The following EPS15L1 variants were observed in gnomAD, a reference collection of about 807,000 sequenced individuals.
The protein encoded by EPS15L1 is epidermal growth factor receptor pathway substrate 15 like 1, also known as epidermal growth factor receptor substrate 15-like 1.
EPS15L1 carries 43 observed loss-of-function variants against 117.1 expected under a neutral mutation model. The observed-to-expected ratio is 0.37, with a 90% CI of 0.29 to 0.47. The LOEUF is 0.47. Ranked by LOEUF, EPS15L1 falls within the 20% of genes least tolerant of loss-of-function variation. The probability of loss-of-function intolerance (pLI) is 0.99; values close to 1 mark genes in which losing one functional copy is unlikely to be tolerated. For missense variants in EPS15L1, 981 were observed against 1,164.0 expected (o/e 0.84, Z 2.29); for synonymous variants, 459 against 470.5 (o/e 0.98, Z 0.32).
intron 22 of EPS15L1, among the ~76,000 whole-genome samples, chr19:16,375,305 T>C (rs577684430): frequency 6.6e-6 from 1 of 151,116 alleles, no homozygotes; most frequent in Admixed American, 6.6e-5. Context: ...CATGCATGCA[T>C]GTGTCTGCAG....
chr19:16,382,687 C>T (rs2092376256), intron 21 of EPS15L1, among the ~76,000 whole-genome samples: 1 of 151,350 alleles, frequency 6.6e-6, no homozygotes, highest in Admixed American at 6.6e-5. Flanking sequence ...TTCTCAAATG[C>T]TCCCTGGAAA....
Position 16,360,095 on chromosome 19 carries a change from C to T in EPS15L1, c.2586+1684G>A, listed in dbSNP as rs139731103. ...TTTTTTTTTATGCTTTTCGAAAAAA[C>T]GAGCCCTTTGCGGGTTGGGGTCACA... On this transcript the variant is annotated intron_variant, in intron 23 of 23. Transcript: ENST00000455140. Among the ~76,000 whole-genome samples, 6 of 147,924 alleles carry T rather than the reference C, an allele frequency of 4.1e-5. No homozygotes were observed. The South Asian group carries it at 6.4e-4, about 16-fold the overall frequency.
rs1312154111 is a variant in EPS15L1 at position 16,371,085 on chromosome 19, T to C, written c.2380+6037A>G. 6.6e-6 allele frequency among the ~76,000 whole-genome samples: 1 copy of C among 152,256 alleles called. No homozygotes were observed. The highest frequency in any genetic ancestry group is 1.5e-5 in the Non-Finnish European group (1 of 68,044). On this transcript the variant is annotated intron_variant, in intron 22 of 23. Transcript: ENST00000455140. This position sits in a 1 kb window ranked among gnomAD's most constrained non-coding sequence, Gnocchi z 4.7. The stretch of plus-strand genomic sequence containing the variant: ...GTAGTTAAGTTCAAGGCTGAGGTGC[T>C]AACCGCAGGGTTCAAATGGAGATGC...
At chr19:16,452,621 A>G (rs1410939749) in intron 1 of EPS15L1, among the ~76,000 whole-genome samples, 1 of 146,826 alleles carries the variant, frequency 6.8e-6, no homozygotes, top group Non-Finnish European at 1.5e-5. Context: ...ACAACATAGC[A>G]AAATGTCATC....
chr19:16,454,478 C>T (rs1375961523), intron 1 of EPS15L1, among the ~76,000 whole-genome samples: 1 of 152,184 alleles, frequency 6.6e-6, no homozygotes, highest in African/African-American at 2.4e-5. Context: ...TCAGCATGAG[C>T]TGCTTTTGTA....
chr19:16,460,518 G>A (rs962465461), intron 1 of EPS15L1, among the ~76,000 whole-genome samples: 1 of 152,112 alleles, frequency 6.6e-6, no homozygotes, highest in Non-Finnish European at 1.5e-5. Context: ...CCAACTCAGA[G>A]GCTGGCCTAA....
At chr19:16,361,609 T>A in intron 23 of EPS15L1, 170 bp downstream of exon 23, 2 of 1,330,708 alleles carry the variant, frequency 1.5e-6, no homozygotes, top group Non-Finnish European at 1.9e-6. Flanking sequence ...TGAGAAACTG[T>A]TTTTCTTACA....
At chr19:16,440,107 A>G (rs1204802675) in intron 4 of EPS15L1, among the ~76,000 whole-genome samples, 1 of 150,664 alleles carries the variant, frequency 6.6e-6, no homozygotes, top group Non-Finnish European at 1.5e-5. Flanking sequence ...CCTTTAGTCA[A>G]AGTTACACCA....
At chr19:16,374,751 C>A (rs545609383) in intron 22 of EPS15L1, among the ~76,000 whole-genome samples, 1 of 152,342 alleles carries the variant, frequency 6.6e-6, no homozygotes, top group East Asian at 1.9e-4. Flanking sequence ...GCAAATACGG[C>A]ACTGCTCGGC....
Position 16,403,869 on chromosome 19 carries a change from T to C in EPS15L1, c.1490A>G (p.Asp497Gly). Residue 497 changes from aspartate (D) to glycine (G), a missense_variant, in exon 15 of 24, where the codon GAT becomes GGT. This residue lies in a region of EPS15L1 where 819 missense variants were observed against 949.0 expected (regional missense o/e 0.86). Coordinates refer to ENST00000455140, the MANE Select transcript of EPS15L1 (RefSeq NM_001258374.3). ...QESDLKSQED[D>G]LNRAKSELNR... ...CAGCTCCGACTTGGCTCGGTTCAGA[T>C]CGTCTTCCTGGGACTTTAAGTCAGA... 1 of 1,614,196 alleles carries C rather than the reference T, an allele frequency of 6.2e-7. No individual in the cohort carries two copies. Among genetic ancestry groups the C allele is most frequent in the Non-Finnish European group, 8.5e-7 (1 of 1,180,032 alleles).
chr19:16,391,948 C>CT (rs1363302759), intron 19 of EPS15L1, among the ~76,000 whole-genome samples: 1 of 151,758 alleles, frequency 6.6e-6, no homozygotes, highest in Non-Finnish European at 1.5e-5. Context: ...GTGATTTAGT[C>CT]TTTTTTGGGA....
intron 22 of EPS15L1, among the ~76,000 whole-genome samples, chr19:16,374,899 T>C (rs1421201021): frequency 6.6e-6 from 1 of 152,260 alleles, no homozygotes; most frequent in Non-Finnish European, 1.5e-5. Flanking sequence ...ATGCATGCAT[T>C]ATGCAATATC....
At chr19:16,369,477 G>A (rs1162014407) in intron 22 of EPS15L1, among the ~76,000 whole-genome samples, 2 of 152,208 alleles carry the variant, frequency 1.3e-5, no homozygotes, top group African/African-American at 4.8e-5. Context: ...GCAGGGGGCT[G>A]TTGAACCCAA....
rs1257574064 is a variant in EPS15L1 at position 16,388,816 on chromosome 19, ACT to A, written c.2104-2587_2104-2586del. 2.0e-5 allele frequency among the ~76,000 whole-genome samples: 3 copies of A among 151,876 alleles called. No homozygotes were observed. In the East Asian group the frequency reaches 5.8e-4, roughly 29 times the overall value. On this transcript the variant is annotated intron_variant, in intron 19 of 23. Transcript: ENST00000455140. ...CACTCCAGCCTGGGCAACAGAGCAAACTCTGTCTCAAAAAAACAAACAAACAA... is the reference window on the plus strand; with the variant it reads ...CACTCCAGCCTGGGCAACAGAGCAAACTGTCTCAAAAAAACAAACAAACAA...
chr19:16,450,387 G>A (rs1031512680), intron 1 of EPS15L1, among the ~76,000 whole-genome samples: 2 of 151,446 alleles, frequency 1.3e-5, no homozygotes, highest in Non-Finnish European at 2.9e-5. Flanking sequence ...GGCAGGGAAC[G>A]CATGCCTTAC....
At chr19:16,438,933 C>T (rs562846679) in intron 4 of EPS15L1, among the ~76,000 whole-genome samples, 9 of 152,254 alleles carry the variant, frequency 5.9e-5, no homozygotes, top group African/African-American at 2.2e-4. Flanking sequence ...CCCCTGCCCA[C>T]CCCCAGTGGC....
intron 16 of EPS15L1, among the ~76,000 whole-genome samples, chr19:16,397,386 G>T (rs1241870654): frequency 6.6e-6 from 1 of 152,124 alleles, no homozygotes; most frequent in Non-Finnish European, 1.5e-5. Flanking sequence ...CACCGCGCCC[G>T]GCTGTTTGTC....
intron 23 of EPS15L1, among the ~76,000 whole-genome samples, chr19:16,361,015 G>C (rs974759842): frequency 1.2e-4 from 18 of 152,116 alleles, no homozygotes; most frequent in African/African-American, 4.3e-4. Context: ...CAGAGAACAA[G>C]ATTTTCATGT....
At chr19:16,427,009 A>C (rs1161503750) in intron 8 of EPS15L1, among the ~76,000 whole-genome samples, 1 of 152,212 alleles carries the variant, frequency 6.6e-6, no homozygotes, top group Non-Finnish European at 1.5e-5. Flanking sequence ...ATGAAGAGGC[A>C]TCATGTCTGC....
Sources: gnomAD v4.1 joint callset for allele counts (sites outside exome capture counted in the v4.1 genomes callset) on GRCh38, gnomAD v4.1.1 for gene constraint, gnomAD v4.1.1 regional missense constraint, Gnocchi (gnomAD v3.1) non-coding constraint, MANE v1.5 for transcripts, NCBI Gene and HGNC (gene_info 2026-07-23, HGNC 2026-07-21) for gene names.